Variants in ADAMTSL1 observed in about 807,000 individuals in gnomAD.
ADAMTSL1 encodes the protein ADAMTS like 1, also known as ADAMTS-like protein 1.
In ADAMTSL1, 126 loss-of-function variants were observed where a neutral mutation model predicts 201.8. The observed-to-expected ratio is 0.62, with a 90% CI of 0.54 to 0.72. The LOEUF (loss-of-function observed/expected upper bound fraction) is 0.72. Ranked by LOEUF, ADAMTSL1 falls within the 30% of genes least tolerant of loss-of-function variation. The pLI, the probability that ADAMTSL1 is intolerant of heterozygous loss-of-function variation, is 0.00. For missense variants in ADAMTSL1, 2,679 were observed against 2,277.8 expected (o/e 1.18, Z -3.59); for synonymous variants, 1,121 against 903.4 (o/e 1.24, Z -4.32).
At chr9:18,632,787 C>T (rs891119391) in intron 5 of ADAMTSL1, among the ~76,000 whole-genome samples, 2 of 152,150 alleles carry the variant, frequency 1.3e-5, no homozygotes, top group Non-Finnish European at 2.9e-5. Flanking sequence ...GCTCTTCCTA[C>T]TTCTGTGCCA....
intron 2 of ADAMTSL1, among the ~76,000 whole-genome samples, chr9:18,166,468 T>C (rs968006139): frequency 3.9e-5 from 6 of 151,910 alleles, no homozygotes; most frequent in Non-Finnish European, 8.8e-5. Flanking sequence ...ATGATATGAA[T>C]GACTTCAGTT....
In ADAMTSL1 at chr9:18,008,946, C is replaced by A. The variant is rs890224538; in HGVS notation, c.87+102024C>A. ...GATCGTTTGTCTAGATTTGCTGGAACAGGGCATCATCGATCCAAAGGAAGA... is the reference window on the plus strand; with the variant it reads ...GATCGTTTGTCTAGATTTGCTGGAAAAGGGCATCATCGATCCAAAGGAAGA... On this transcript the variant is annotated intron_variant, in intron 1 of 29. Coordinates refer to the ADAMTSL1 transcript ENST00000680146. 2.6e-5 allele frequency among the ~76,000 whole-genome samples: 4 copies of A among 151,960 alleles called. No homozygotes were observed. In the East Asian group the frequency reaches 7.8e-4, roughly 30 times the overall value.
chr9:18,267,707 T>A (rs1337492102), intron 2 of ADAMTSL1, among the ~76,000 whole-genome samples: 3 of 148,476 alleles, frequency 2.0e-5, no homozygotes, highest in Admixed American at 7.0e-5. Context: ...TTGTTTTAAG[T>A]TTAGAAAAGT....
At chr9:18,271,158 G>T (rs1832345564) in intron 2 of ADAMTSL1, among the ~76,000 whole-genome samples, 2 of 152,026 alleles carry the variant, frequency 1.3e-5, no homozygotes, top group African/African-American at 2.4e-5. Context: ...TGTCACAAAG[G>T]TATTATGAAA....
upstream of ADAMTSL1, among the ~76,000 whole-genome samples, chr9:18,473,266 T>C (rs1821290435): frequency 6.6e-6 from 1 of 152,196 alleles, no homozygotes. Context: ...CATCCTTTCT[T>C]TCTCTCCCGT....
rs767835766 is a variant in ADAMTSL1 at position 18,777,707 on chromosome 9, C to T, written c.3478C>T (p.Pro1160Ser). The T allele has an allele frequency of 6.2e-7, 1 of 1,613,342 alleles. No individual in the cohort carries two copies. The highest frequency in any genetic ancestry group is 1.7e-5 in the Admixed American group (1 of 59,994). ...TGDAGGGSRR[P>S]HRKPTILRKI... ...GGACGCCGGGGGAGGCTCTCGAAGG[C>T]CACACCGCAAGCCCACCATCCTGCG... The change falls in exon 19 of 29, where the codon CCA (proline) becomes TCA (serine). Residue 1160 changes from proline to serine, a missense_variant. Physicochemically the swap from Pro to Ser is moderately conservative, Grantham distance 74. Coordinates refer to ENST00000380548, the MANE Select transcript of ADAMTSL1 (RefSeq NM_001040272.6).
intron 4 of ADAMTSL1, among the ~76,000 whole-genome samples, chr9:18,593,641 T>G (rs890971622): frequency 1.3e-5 from 2 of 152,154 alleles, no homozygotes; most frequent in African/African-American, 4.8e-5. Flanking sequence ...TTTTTCAATT[T>G]TCTTCTTAAT....
intron 2 of ADAMTSL1, among the ~76,000 whole-genome samples, chr9:18,310,488 TA>T (rs1390402827): frequency 6.7e-6 from 1 of 148,420 alleles, no homozygotes; most frequent in Non-Finnish European, 1.5e-5. Context: ...CCAGAATCTA[TA>T]AGGAACTTAA....
intron 1 of ADAMTSL1, among the ~76,000 whole-genome samples, chr9:18,097,287 C>A (rs979771082): frequency 1.3e-5 from 2 of 152,178 alleles, no homozygotes; most frequent in African/African-American, 4.8e-5. Flanking sequence ...GCATATATTA[C>A]AATTTGTTGA....
At chr9:18,685,923 T>A (rs1830803798) in intron 13 of ADAMTSL1, among the ~76,000 whole-genome samples, 1 of 149,316 alleles carries the variant, frequency 6.7e-6, no homozygotes, top group Admixed American at 6.6e-5. Flanking sequence ...TTTTTTTCCC[T>A]ATTTTTTTTT....
rs190230853 is a variant in ADAMTSL1 at position 18,433,692 on chromosome 9, C to A, written c.208-71137C>A. On this transcript the variant is annotated intron_variant, in intron 2 of 29. Coordinates refer to the ADAMTSL1 transcript ENST00000680146. ...TCCCAGAGATCTGAGCAGAAAACTT[C>A]ATTTATTCACTCAAAGCTAATTAAA... is the stretch of plus-strand genomic sequence containing the variant. Among the ~76,000 whole-genome samples, 363 of 152,268 alleles carry A rather than the reference C, an allele frequency of 2.4e-3. 1 individual carries two copies. The highest frequency in any genetic ancestry group is 8.5e-3 in the African/African-American group (354 of 41,566).
intron 6 of ADAMTSL1, among the ~76,000 whole-genome samples, chr9:18,636,700 G>A (rs1238332013): frequency 6.6e-6 from 1 of 152,112 alleles, no homozygotes; most frequent in African/African-American, 2.4e-5. Context: ...TTATTATTTA[G>A]TGTTGTTTAG....
intron 23 of ADAMTSL1, among the ~76,000 whole-genome samples, chr9:18,838,864 G>C (rs1201856829): frequency 3.4e-5 from 5 of 148,598 alleles, no homozygotes; most frequent in Non-Finnish European, 5.9e-5. Flanking sequence ...CAACAAGTGA[G>C]ATCCTGTCTC....
chr9:18,779,534 A>G (rs1038770315), intron 19 of ADAMTSL1, among the ~76,000 whole-genome samples: 1 of 152,214 alleles, frequency 6.6e-6, no homozygotes, highest in African/African-American at 2.4e-5. Context: ...TTGGACCCAC[A>G]TAGAAACACT....
intron 2 of ADAMTSL1, among the ~76,000 whole-genome samples, chr9:18,276,321 T>A (rs1832586898): frequency 6.6e-6 from 1 of 152,212 alleles, no homozygotes; most frequent in South Asian, 2.1e-4. Flanking sequence ...ATTAATGGTA[T>A]TTTTGATCAG....
At chr9:18,694,735 T>C (rs980022177) in intron 13 of ADAMTSL1, among the ~76,000 whole-genome samples, 1 of 152,168 alleles carries the variant, frequency 6.6e-6, no homozygotes, top group Non-Finnish European at 1.5e-5. Flanking sequence ...TCTACCATTC[T>C]GGGGTCTGCA....
intron 23 of ADAMTSL1, among the ~76,000 whole-genome samples, chr9:18,831,827 A>G (rs1039338039): frequency 8.5e-5 from 13 of 152,184 alleles, no homozygotes; most frequent in Admixed American, 6.5e-5. Flanking sequence ...GGAGACTCAC[A>G]TGGAATTGTG....
intron 21 of ADAMTSL1, among the ~76,000 whole-genome samples, chr9:18,821,300 G>A (rs1283356391): frequency 1.3e-5 from 2 of 152,160 alleles, no homozygotes; most frequent in Non-Finnish European, 1.5e-5. Flanking sequence ...ATCTGGAGAG[G>A]ATCTGCCCCC....
At chr9:18,312,643 C>T (rs180855059) in intron 2 of ADAMTSL1, among the ~76,000 whole-genome samples, 2 of 152,116 alleles carry the variant, frequency 1.3e-5, no homozygotes, top group East Asian at 3.9e-4. Context: ...CTGTACAAAG[C>T]CTAGAAATGT....
Sources: allele counts gnomAD v4.1 joint callset (sites outside exome capture counted in the v4.1 genomes callset), GRCh38; gene constraint gnomAD v4.1.1; transcripts MANE v1.5; gene names NCBI Gene and HGNC (gene_info 2026-07-23, HGNC 2026-07-21).